Variants in USP49 observed in about 807,000 individuals in gnomAD.
USP49 encodes the protein ubiquitin specific peptidase 49, also known as ubiquitin carboxyl-terminal hydrolase 49.
Under a neutral mutation model 58.6 loss-of-function variants are expected in USP49, and 24 were observed. The ratio of observed to expected loss-of-function variants is 0.41; its 90% CI spans 0.30 to 0.58. The LOEUF (loss-of-function observed/expected upper bound fraction) is 0.58, where lower values mean the gene tolerates loss of function less well. Among genes scored for constraint, USP49 ranks in the 20% least tolerant of loss-of-function variants. USP49 has a pLI of 0.30. For missense variants in USP49, 703 were observed against 866.1 expected, an observed-to-expected ratio of 0.81 and a Z score of 2.36; for synonymous variants, 408 against 365.1, an observed-to-expected ratio of 1.12 and a Z score of -1.34.
chr6:41,873,490 A>G (rs1445151767), intron 2 of USP49, among the ~76,000 whole-genome samples: 2 of 152,232 alleles, frequency 1.3e-5, no homozygotes, highest in African/African-American at 2.4e-5. Context: ...TACAACTTCT[A>G]GTTCTAGGTT....
At chr6:41,831,057 G>A (rs1773624439) in intron 3 of USP49, among the ~76,000 whole-genome samples, 1 of 152,032 alleles carries the variant, frequency 6.6e-6, no homozygotes, top group Non-Finnish European at 1.5e-5. Flanking sequence ...AGGAGTTCAA[G>A]ACCAGCCTGG....
intron 3 of USP49, among the ~76,000 whole-genome samples, chr6:41,871,238 T>G (rs1331319920): frequency 6.6e-6 from 1 of 152,148 alleles, no homozygotes; most frequent in African/African-American, 2.4e-5. Flanking sequence ...GGTAGATAAT[T>G]ACTCTTGACA....
At chr6:41,894,845 T>C (rs1774869474) in intron 1 of USP49, among the ~76,000 whole-genome samples, 1 of 151,890 alleles carries the variant, frequency 6.6e-6, no homozygotes, top group Non-Finnish European at 1.5e-5. Context: ...TCACTCCTCC[T>C]CTCCCTGGCT....
intron 3 of USP49, among the ~76,000 whole-genome samples, chr6:41,859,002 A>G (rs984605710): frequency 2.0e-5 from 3 of 152,220 alleles, no homozygotes; most frequent in African/African-American, 7.2e-5. Flanking sequence ...TTTCTGAAAG[A>G]ATGAATAAAA....
chr6:41,807,765 TTTTG>T (rs1397753347), intron 3 of USP49, among the ~76,000 whole-genome samples: 2 of 150,664 alleles, frequency 1.3e-5, no homozygotes, highest in Admixed American at 6.6e-5. Flanking sequence ...TTAATTTATT[TTTTG>T]TTTTTTATGT....
chr6:41,851,772 G>T (rs1271190607), intron 3 of USP49, among the ~76,000 whole-genome samples: 2 of 151,502 alleles, frequency 1.3e-5, no homozygotes, highest in African/African-American at 4.9e-5. Context: ...GGCCAAGATG[G>T]TGAAACCCCA....
In USP49 at chr6:41,805,919, A is replaced by G. The variant is rs1439591301; in HGVS notation, c.1065T>C (p.Ile355=). Residue 355 remains isoleucine, a synonymous_variant, in exon 4 of 8, where the codon ATT becomes ATC. Coordinates refer to ENST00000682992, the MANE Select transcript of USP49 (RefSeq NM_001286554.2). Reference sequence around the variant, plus strand: ...GGGTGTGCAGTTCACGGCAGAGGGAAATGTGCTTTGAACTCGGCTCCTTGT... The same window carrying G: ...GGGTGTGCAGTTCACGGCAGAGGGAGATGTGCTTTGAACTCGGCTCCTTGT... ...IQNKEPSSKH[I]SLCRELHTLF... is the part of the protein sequence containing the mutation. 25 of 1,613,778 alleles carry G rather than the reference A, an allele frequency of 1.5e-5. No individual in the cohort carries two copies. Among genetic ancestry groups the G allele is most frequent in the Non-Finnish European group, 2.0e-5 (24 of 1,180,016 alleles).
Position 41,799,886 on chromosome 6 carries a change from C to T in USP49, c.1614G>A (p.Lys538=). 1 of 1,614,164 alleles carries T rather than the reference C, an allele frequency of 6.2e-7. No homozygotes were observed. Residue 538 remains lysine, a synonymous_variant, in exon 6 of 8, where the codon AAG becomes AAA. Coordinates refer to ENST00000682992, the MANE Select transcript of USP49 (RefSeq NM_001286554.2). ...GAGGTAGTCTGTAGATCATTAACTG[C>T]TTTCTAGCTTCACTCAGAACAAGGG... ...PKPLVLSEAR[K]QLMIYRLPQV... is the part of the protein sequence containing the mutation.
intron 3 of USP49, among the ~76,000 whole-genome samples, chr6:41,867,673 A>G (rs1375795392): frequency 1.3e-5 from 2 of 151,868 alleles, no homozygotes; most frequent in Non-Finnish European, 2.9e-5. Context: ...AATGGCGTGA[A>G]CCCAGGAGGC....
chr6:41,881,288 C>CAAAAAAAAAAAAAAAAAAAAAAAA (rs57022965), intron 2 of USP49, among the ~76,000 whole-genome samples: 7 of 20,388 alleles, frequency 3.4e-4, no homozygotes, highest in Admixed American at 1.2e-3. Context: ...CATTAAATAC[C>CAAAAAAAAAAAAAAAAAAAAAAAA]AAAAAAAAAA....
rs1772818077 is a variant in USP49 at position 41,792,687 on chromosome 6, G to C, written c.*3846C>G. The C allele has an allele frequency of 6.6e-6, 1 of 152,198 alleles. No homozygotes were observed. Among genetic ancestry groups the C allele is most frequent in the South Asian group, 2.1e-4 (1 of 4,828 alleles). 9.4% of individuals were successfully genotyped at this position (152,198 alleles called of 1,614,324 possible). ...TGTAACATAATTTCAGAACTTGCTG[G>C]TAAGAATAATTTGCATTCACACACA... On this transcript the variant is annotated 3_prime_UTR_variant, in exon 8 of 8. Transcript: ENST00000682992.
In USP49 at chr6:41,792,841, T is replaced by TA. The variant is rs1772820301; in HGVS notation, c.*3691dup. The stretch of plus-strand genomic sequence containing the variant: ...AATCTTTTCAATTCCATGCAAACCG[T>TA]AATTGAGTACAAGGCACCAAATTTT... On this transcript the variant is annotated 3_prime_UTR_variant, in exon 8 of 8. Transcript: ENST00000682992. 6.6e-6 allele frequency: 1 copy of TA among 152,256 alleles called. No individual in the cohort carries two copies. Among genetic ancestry groups the TA allele is most frequent in the Admixed American group, 6.5e-5 (1 of 15,282 alleles). The allele number at this position is 152,256 out of a possible 1,614,324, so 9.4% of individuals were successfully genotyped here.
chr6:41,823,184 A>C (rs1773480726), intron 3 of USP49, among the ~76,000 whole-genome samples: 1 of 152,212 alleles, frequency 6.6e-6, no homozygotes, highest in Non-Finnish European at 1.5e-5. Context: ...GAGGATAAAC[A>C]AGCTGGTGAC....
At chr6:41,810,131 G>C (rs531850535) in intron 3 of USP49, among the ~76,000 whole-genome samples, 1 of 151,232 alleles carries the variant, frequency 6.6e-6, no homozygotes, top group Non-Finnish European at 1.5e-5. Context: ...CAGCCTGGGC[G>C]ACAGAGCAAG....
chr6:41,834,967 G>T (rs1773700457), intron 3 of USP49, among the ~76,000 whole-genome samples: 1 of 152,080 alleles, frequency 6.6e-6, no homozygotes, highest in Admixed American at 6.5e-5. Flanking sequence ...AAATAGGAAA[G>T]AAAAAAATAA....
intron 1 of USP49, among the ~76,000 whole-genome samples, chr6:41,894,665 C>A (rs550724546): frequency 2.0e-5 from 3 of 150,938 alleles, no homozygotes; most frequent in South Asian, 2.1e-4. Context: ...ACACTTACCC[C>A]GGTACCCCTC....
intron 3 of USP49, among the ~76,000 whole-genome samples, chr6:41,843,919 G>A (rs931008288): frequency 2.6e-5 from 4 of 152,054 alleles, no homozygotes; most frequent in African/African-American, 4.8e-5. Context: ...TGGCGGGTGC[G>A]TGTAATCCCA....
intron 3 of USP49, among the ~76,000 whole-genome samples, chr6:41,819,931 A>G (rs1773424682): frequency 6.6e-6 from 1 of 152,222 alleles, no homozygotes; most frequent in South Asian, 2.1e-4. Context: ...CCAAATCACC[A>G]AATCGAAATG....
At chr6:41,872,364 C>T (rs1026419698) in intron 2 of USP49, among the ~76,000 whole-genome samples, 9 of 152,130 alleles carry the variant, frequency 5.9e-5, no homozygotes, top group African/African-American at 2.2e-4. Context: ...AATATGTTCC[C>T]GGCCGGGCGT....
Sources: gnomAD v4.1 joint callset for allele counts (sites outside exome capture counted in the v4.1 genomes callset) on GRCh38, gnomAD v4.1.1 for gene constraint, MANE v1.5 for transcripts, NCBI Gene and HGNC (gene_info 2026-07-23, HGNC 2026-07-21) for gene names.